ERC1: variants seen among roughly 807,000 people sequenced by gnomAD.
The protein encoded by ERC1 is ELKS/RAB6-interacting/CAST family member 1.
ERC1 carries 56 observed loss-of-function variants against 132.0 expected under a neutral mutation model. That is an observed-to-expected ratio of 0.42 (90% confidence interval 0.34 to 0.53). ERC1 has a LOEUF of 0.53. ERC1 is among the 20% of genes least tolerant of loss of function. The pLI, the probability that ERC1 is intolerant of heterozygous loss-of-function variation, is 0.03. For missense variants in ERC1, 1,202 were observed against 1,349.9 expected (o/e 0.89, Z 1.72); for synonymous variants, 478 against 476.1 (o/e 1.00, Z -0.05).
intron 15 of ERC1, among the ~76,000 whole-genome samples, chr12:1,292,508 T>A (rs976893281): frequency 6.6e-5 from 10 of 152,162 alleles, no homozygotes; most frequent in African/African-American, 2.4e-4. Context: ...AGACTGGTCT[T>A]CTCTGGAAAC....
chr12:1,174,368 G>A (rs921140147), intron 8 of ERC1, among the ~76,000 whole-genome samples: 2 of 152,174 alleles, frequency 1.3e-5, no homozygotes. Context: ...AAGTAAATAA[G>A]AGTCTGAGAA....
chr12:1,474,786 T>C (rs1053841675), intron 18 of ERC1, among the ~76,000 whole-genome samples: 2 of 152,180 alleles, frequency 1.3e-5, no homozygotes, highest in African/African-American at 2.4e-5. Context: ...ACCATGCTTT[T>C]GTCTGCCATA....
chr12:990,818 A>G (rs367711587), upstream of ERC1, among the ~76,000 whole-genome samples: 7 of 151,544 alleles, frequency 4.6e-5, no homozygotes, highest in African/African-American at 9.7e-5. Flanking sequence ...TTGGGAAGAC[A>G]CGAAGCGGCT....
At chr12:1,445,453 A>C (rs1397967048) in intron 18 of ERC1, among the ~76,000 whole-genome samples, 1 of 151,668 alleles carries the variant, frequency 6.6e-6, no homozygotes, top group Non-Finnish European at 1.5e-5. Flanking sequence ...CTGGTCTCGA[A>C]CTCCTGACCT....
chr12:1,148,025 C>T (rs975901437), intron 8 of ERC1, among the ~76,000 whole-genome samples: 6 of 152,242 alleles, frequency 3.9e-5, no homozygotes, highest in African/African-American at 1.4e-4. Flanking sequence ...GGTCTTCAGT[C>T]ATTAAACTTT....
chr12:1,306,649 C>G (rs2080906409), intron 15 of ERC1, among the ~76,000 whole-genome samples: 1 of 152,064 alleles, frequency 6.6e-6, no homozygotes, highest in Admixed American at 6.6e-5. Flanking sequence ...GGATGAAATC[C>G]TATTTTATGA....
intron 18 of ERC1, among the ~76,000 whole-genome samples, chr12:1,455,783 T>C (rs1347828874): frequency 6.6e-6 from 1 of 152,220 alleles, no homozygotes; most frequent in Admixed American, 6.5e-5. Context: ...TTTCAAACTT[T>C]TTCATAGAAC....
chr12:1,270,784 A>G (rs1215765814), intron 14 of ERC1, among the ~76,000 whole-genome samples: 4 of 151,806 alleles, frequency 2.6e-5, no homozygotes, highest in Non-Finnish European at 5.9e-5. Flanking sequence ...ATTTAAATTT[A>G]TATAAATATT....
At chr12:1,394,224 C>A (rs1300195252) in intron 16 of ERC1, among the ~76,000 whole-genome samples, 3 of 151,170 alleles carry the variant, frequency 2.0e-5, no homozygotes, top group East Asian at 3.9e-4. Flanking sequence ...CACGGTGAAA[C>A]CCCATCTCTA....
chr12:1,460,466 CGCT>C (rs1202851663), intron 18 of ERC1, among the ~76,000 whole-genome samples: 1 of 152,148 alleles, frequency 6.6e-6, no homozygotes, highest in Non-Finnish European at 1.5e-5. Context: ...CTCCACCCAT[CGCT>C]GCACCATTAC....
chr12:1,038,117 T>C (rs1393614822), intron 2 of ERC1, among the ~76,000 whole-genome samples: 1 of 152,052 alleles, frequency 6.6e-6, no homozygotes, highest in Non-Finnish European at 1.5e-5. Flanking sequence ...TAATGCTTCA[T>C]CATCACTAGA....
intron 15 of ERC1, among the ~76,000 whole-genome samples, chr12:1,370,361 T>C (rs1458965949): frequency 2.0e-5 from 3 of 152,248 alleles, no homozygotes; most frequent in African/African-American, 7.2e-5. Flanking sequence ...GTGCAGATCA[T>C]TGCCAGTAAA....
At chr12:1,076,364 G>A (rs1941333835) in intron 2 of ERC1, among the ~76,000 whole-genome samples, 1 of 150,932 alleles carries the variant, frequency 6.6e-6, no homozygotes, top group African/African-American at 2.4e-5. Context: ...TACTTGTATT[G>A]GTTGGTGTAG....
At position 1,272,946 on chromosome 12, in the gene ERC1, T is replaced by TAAAA. The variant is rs56750908; in HGVS notation, c.2619+9804_2619+9807dup. ...CTCAGTGATAGAGTGAGACTCCGTC[T>TAAAA]AAAAAAAAAAAAAAAAAAAAAAAAA... On this transcript the variant is annotated intron_variant, in intron 14 of 18. Coordinates refer to ENST00000360905, the MANE Select transcript of ERC1 (RefSeq NM_178040.4). Among the ~76,000 whole-genome samples, 14 of 87,768 alleles carry TAAAA rather than the reference T, an allele frequency of 1.6e-4. 1 individual carries two copies. The highest frequency in any genetic ancestry group is 4.5e-4 in the East Asian group (1 of 2,200). The allele number at this position is 87,768 out of a possible 152,430, so 57.6% of individuals were successfully genotyped here.
chr12:1,197,902 A>AT lies in ERC1; in HGVS notation c.2351+7858dup, dbSNP rs754046849. ...GAAAGGACTTGTTGAACTTTGGACT[A>AT]TTTTTTTTGTTTTGTTTTGTTTTGT... On this transcript the variant is annotated intron_variant, in intron 12 of 18. Transcript: ENST00000360905. Among the ~76,000 whole-genome samples, 385 of 149,018 alleles carry AT rather than the reference A, an allele frequency of 2.6e-3. 1 individual carries two copies. The highest frequency in any genetic ancestry group is 6.9e-3 in the Middle Eastern group (2 of 290).
intron 15 of ERC1, among the ~76,000 whole-genome samples, chr12:1,340,654 T>G (rs1190343363): frequency 6.6e-6 from 1 of 152,088 alleles, no homozygotes; most frequent in Admixed American, 6.6e-5. Context: ...TTCTGTGTGT[T>G]CCCTCCATCC....
At chr12:1,353,239 C>T (rs1217644297) in intron 15 of ERC1, among the ~76,000 whole-genome samples, 11 of 152,006 alleles carry the variant, frequency 7.2e-5, no homozygotes, top group Admixed American at 3.9e-4. Flanking sequence ...ACCGTGTTAG[C>T]CAGGATGGTC....
chr12:1,248,936 G>T (rs1385381288), intron 13 of ERC1, among the ~76,000 whole-genome samples: 1 of 152,152 alleles, frequency 6.6e-6, no homozygotes, highest in Non-Finnish European at 1.5e-5. Flanking sequence ...AGGCTGCAGT[G>T]CAGTGGCATG....
intron 18 of ERC1, among the ~76,000 whole-genome samples, chr12:1,465,483 C>T (rs2093725219): frequency 1.3e-5 from 2 of 152,228 alleles, no homozygotes; most frequent in African/African-American, 4.8e-5. Flanking sequence ...TGTGAAGCTC[C>T]TGTAGGAACA....
Sources: allele counts gnomAD v4.1 joint callset (sites outside exome capture counted in the v4.1 genomes callset), GRCh38; gene constraint gnomAD v4.1.1; transcripts MANE v1.5; gene names NCBI Gene and HGNC (gene_info 2026-07-23, HGNC 2026-07-21).